FUS: variants seen among roughly 807,000 people sequenced by gnomAD.
FUS encodes FUS RNA binding protein, also known as RNA-binding protein FUS.
In FUS, 5 loss-of-function variants were observed where a neutral mutation model predicts 82.7. The ratio of observed to expected loss-of-function variants is 0.06; its 90% confidence interval spans 0.03 to 0.13. The LOEUF (loss-of-function observed/expected upper bound fraction) is 0.13. Among genes scored for constraint, FUS ranks in the 10% least tolerant of loss-of-function variants. FUS has a pLI of 1.00. For missense variants in FUS, 512 were observed against 707.8 expected (o/e 0.72, Z 3.14); for synonymous variants, 281 against 247.4 (o/e 1.14, Z -1.27).
chr16:31,188,461 A>T (rs1367416113), intron 8 of FUS, 104 bp downstream of exon 8: 8 of 1,242,314 alleles, frequency 6.4e-6, no homozygotes, highest in Non-Finnish European at 9.5e-6. Flanking sequence ...AAAAATGGGG[A>T]TAGAGAAGGA....
In FUS at chr16:31,189,993, A is replaced by T. The variant is rs536436219; in HGVS notation, c.1067-47A>T. 1.4e-4 allele frequency: 218 copies of T among 1,573,720 alleles called. 4 individuals are homozygous for T. The South Asian group carries it at 2.4e-3, about 17-fold the overall frequency. ...CACGCTTCTCTTGTATTTTCGGATT[A>T]ATGTGTCTTGCATTTAAAGTCTGTT... On this transcript the variant is annotated intron_variant, in intron 10 of 14. Coordinates refer to ENST00000254108, the MANE Select transcript of FUS (RefSeq NM_004960.4).
rs544159238 is a variant in FUS, at chr16:31,184,512, C to T, written c.523+116C>T. The T allele has an allele frequency of 2.0e-4, 210 of 1,037,498 alleles. 1 individual carries two copies. Among genetic ancestry groups the T allele is most frequent in the Non-Finnish European group, 2.4e-4 (171 of 703,400 alleles). The allele number at this position is 1,037,498 out of a possible 1,614,324, so 64.3% of individuals were successfully genotyped here. On this transcript the variant is annotated intron_variant, in intron 5 of 14. Coordinates refer to ENST00000254108, the MANE Select transcript of FUS (RefSeq NM_004960.4). ...AGGCTGGAGTGCAGTGGCACAATCT[C>T]GGCTCACTGCAAGCTCCGCCTTCCG...
chr16:31,184,333 G>A lies in FUS; in HGVS notation c.460G>A (p.Gly154Ser). ...GCAGCAAAGCTATAATCCCCCTCAGGGCTATGGACAGCAGAACCAGTACAA... is the reference window on the plus strand; with the variant it reads ...GCAGCAAAGCTATAATCCCCCTCAGAGCTATGGACAGCAGAACCAGTACAA... ...GQQQSYNPPQ[G>S]YGQQNQYNSS... Residue 154 changes from glycine to serine, a missense_variant, in exon 5 of 15, where the codon GGC becomes AGC. By Grantham distance (56) the Gly-to-Ser change is moderately conservative (BLOSUM62 0). Transcript: ENST00000254108. The A allele has an allele frequency of 6.2e-7, 1 of 1,614,170 alleles. No homozygotes were observed. The highest frequency in any genetic ancestry group is 8.5e-7 in the Non-Finnish European group (1 of 1,180,028).
At position 31,191,478 on chromosome 16, in the gene FUS, T is replaced by C; in HGVS notation, c.*40T>C. On this transcript the variant is annotated 3_prime_UTR_variant, in exon 15 of 15. Transcript: ENST00000254108. ...CAGGTTCTGGAACAGCTTTTTGTCCTGTACCCAGTGTTACCCTCGTTATTT... is the reference window on the plus strand; with the variant it reads ...CAGGTTCTGGAACAGCTTTTTGTCCCGTACCCAGTGTTACCCTCGTTATTT... 1.9e-6 allele frequency: 3 copies of C among 1,606,246 alleles called. No homozygotes were observed. The highest frequency in any genetic ancestry group is 1.7e-4 in the Middle Eastern group (1 of 5,982).
chr16:31,193,951 T>G (rs1457084706), downstream of FUS: 3 of 530,556 alleles, frequency 5.7e-6, no homozygotes, highest in African/African-American at 1.9e-5. Flanking sequence ...TTGGCCAGAA[T>G]ACTCTATTCT....
At chr16:31,188,617 T>TG in intron 8 of FUS, 1 of 577,812 alleles carries the variant, frequency 1.7e-6, no homozygotes, top group East Asian at 2.9e-5. Flanking sequence ...TCCCCAGTGA[T>TG]GCTGATGCGT....
At chr16:31,182,694 C>T (rs1398642990) in intron 3 of FUS, 30 bp downstream of exon 3, 8 of 1,613,726 alleles carry the variant, frequency 5.0e-6, no homozygotes, top group Middle Eastern at 1.7e-4. Flanking sequence ...TCACCTCTTC[C>T]TACTCTTTCT....
chr16:31,183,709 G>GTAAC, intron 3 of FUS, 149 bp from the exon 4 acceptor site: 1 of 919,152 alleles, frequency 1.1e-6, no homozygotes, highest in Non-Finnish European at 1.8e-6. Flanking sequence ...TGAAAGGAGG[G>GTAAC]TAACTATCTT....
intron 5 of FUS, 105 bp from the exon 6 acceptor site, chr16:31,184,834 T>G (rs1214841476): frequency 1.8e-6 from 2 of 1,136,338 alleles, no homozygotes; most frequent in Non-Finnish European, 2.6e-6. Context: ...TTTTACTTTC[T>G]TTTGTCCTTC....
At chr16:31,186,734 A>T in intron 6 of FUS, 68 bp from the exon 7 acceptor site, 1 of 1,511,618 alleles carries the variant, frequency 6.6e-7, no homozygotes, top group Non-Finnish European at 9.2e-7. Flanking sequence ...ATGTTAAACA[A>T]AATCAAAAAA....
downstream of FUS, chr16:31,191,913 C>CT (rs2079367380): frequency 1.9e-6 from 1 of 535,562 alleles, no homozygotes; most frequent in Non-Finnish European, 3.6e-6. Flanking sequence ...CAGTTTATCC[C>CT]TTTTTAAGAA....
At chr16:31,193,075 G>T (rs1279565182), downstream of FUS, 1 of 484,438 alleles carries the variant, frequency 2.1e-6, no homozygotes, top group Non-Finnish European at 4.1e-6. Context: ...CGATAGCTGG[G>T]ATTACAGGCA....
At chr16:31,191,945 T>A (rs989886971), downstream of FUS, 5 of 533,828 alleles carry the variant, frequency 9.4e-6, no homozygotes, top group Non-Finnish European at 1.8e-5. Context: ...TTTGGCCCTT[T>A]TAATGGTGAG....
rs369757630 is a variant in FUS at position 31,191,400 on chromosome 16, G to A, written c.1543G>A (p.Gly515Ser). 31 of 1,611,712 alleles carry A rather than the reference G, an allele frequency of 1.9e-5. No individual in the cohort carries two copies. Among genetic ancestry groups the A allele is most frequent in the Non-Finnish European group, 2.5e-5 (29 of 1,179,260 alleles). ...GFGPGKMDSR[G>S]EHRQDRRERP... The stretch of plus-strand genomic sequence containing the variant: ...TAATTTTTTTTTTTTTTTTTGCAGG[G>A]GTGAGCACAGACAGGATCGCAGGGA... Residue 515 changes from glycine to serine, a missense_variant and splice_region_variant, in exon 15 of 15, where the codon GGT becomes AGT. This residue lies in a region of FUS where 96 missense variants were observed against 120.7 expected (regional missense o/e 0.80). Coordinates refer to ENST00000254108, the MANE Select transcript of FUS (RefSeq NM_004960.4).
chr16:31,190,914 G>GCGA (rs2079345701), intron 13 of FUS, 49 bp from the exon 14 acceptor site: 1 of 1,612,258 alleles, frequency 6.2e-7, no homozygotes, highest in African/African-American at 1.3e-5. Flanking sequence ...GGAGGCTCGG[G>GCGA]GAACATAGGG....
chr16:31,187,851 C>A, intron 7 of FUS: 1 of 246,398 alleles, frequency 4.1e-6, no homozygotes, highest in Non-Finnish European at 8.0e-6. Context: ...AGGATGGTTT[C>A]TAAAGATGAA....
intron 9 of FUS, 67 bp from the exon 10 acceptor site, chr16:31,189,598 A>AG: frequency 6.2e-7 from 1 of 1,606,470 alleles, no homozygotes; most frequent in Non-Finnish European, 8.5e-7. Context: ...CATGTTCTAG[A>AG]GGAAGAAGAT....
At chr16:31,184,600 C>T (rs1296288067) in intron 5 of FUS, among the ~76,000 whole-genome samples, 12 of 152,048 alleles carry the variant, frequency 7.9e-5, no homozygotes, top group African/African-American at 1.9e-4. Flanking sequence ...TCCGCCACCA[C>T]GCCCGGCTAA....
chr16:31,184,774 TCTC>T (rs1331689083), intron 5 of FUS, among the ~76,000 whole-genome samples, 162 bp from the exon 6 acceptor site: 1 of 152,226 alleles, frequency 6.6e-6, no homozygotes, highest in East Asian at 1.9e-4. Context: ...GGATTTGTAT[TCTC>T]CTGTTTTAGC....
Sources: gnomAD v4.1 joint callset for allele counts (sites outside exome capture counted in the v4.1 genomes callset) on GRCh38, gnomAD v4.1.1 for gene constraint, gnomAD v4.1.1 regional missense constraint, MANE v1.5 for transcripts, NCBI Gene and HGNC (gene_info 2026-07-23, HGNC 2026-07-21) for gene names.